ZDHHC14: variants seen among roughly 807,000 people sequenced by gnomAD.
The protein encoded by ZDHHC14 is palmitoyltransferase ZDHHC14.
A neutral mutation model predicts 47.7 loss-of-function variants in ZDHHC14; 16 were observed. The ratio of observed to expected loss-of-function variants is 0.34; its 90% CI spans 0.23 to 0.51. The LOEUF (loss-of-function observed/expected upper bound fraction) is 0.51. ZDHHC14 is among the 20% of genes least tolerant of loss of function. The probability of loss-of-function intolerance (pLI) is 0.97; values close to 1 mark genes in which losing one functional copy is unlikely to be tolerated. For synonymous variants in ZDHHC14, 293 were observed against 278.9 expected, an observed-to-expected ratio of 1.05 and a Z score of -0.50; for missense variants, 515 against 662.5, an observed-to-expected ratio of 0.78 and a Z score of 2.44.
intron 2 of ZDHHC14, among the ~76,000 whole-genome samples, chr6:157,544,777 C>A (rs1172279870): frequency 2.0e-5 from 3 of 152,168 alleles, no homozygotes; most frequent in Non-Finnish European, 4.4e-5. Flanking sequence ...GAAACTGGAA[C>A]CCTTGTACAT....
intron 2 of ZDHHC14, among the ~76,000 whole-genome samples, chr6:157,573,171 C>T (rs1339022518): frequency 1.3e-5 from 2 of 152,136 alleles, no homozygotes; most frequent in Admixed American, 6.5e-5. Context: ...TTCGGCCCCA[C>T]TCCCCTTTCA....
intron 8 of ZDHHC14, among the ~76,000 whole-genome samples, chr6:157,671,732 C>T (rs1371077738): frequency 1.3e-5 from 2 of 152,190 alleles, no homozygotes; most frequent in African/African-American, 2.4e-5. Context: ...TCTTCTCAAA[C>T]GTGGGCATTC....
At chr6:157,613,109 T>C (rs1203687141) in intron 3 of ZDHHC14, among the ~76,000 whole-genome samples, 1 of 152,202 alleles carries the variant, frequency 6.6e-6, no homozygotes. Flanking sequence ...ACTCATGGTG[T>C]CTTTAGGTCT....
chr6:157,436,192 G>A (rs1778436346), intron 1 of ZDHHC14, among the ~76,000 whole-genome samples: 2 of 152,112 alleles, frequency 1.3e-5, no homozygotes, highest in South Asian at 4.2e-4. Context: ...ATAACTTAAT[G>A]TTTCCGATCC....
At chr6:157,410,792 G>T (rs1354992333) in intron 1 of ZDHHC14, among the ~76,000 whole-genome samples, 3 of 152,168 alleles carry the variant, frequency 2.0e-5, no homozygotes, top group Non-Finnish European at 4.4e-5. Flanking sequence ...TGCCTCCTGG[G>T]TTCAAGCGAT....
intron 1 of ZDHHC14, among the ~76,000 whole-genome samples, chr6:157,420,493 G>C (rs182601482): frequency 7.7e-4 from 117 of 152,298 alleles, no homozygotes; most frequent in Admixed American, 1.7e-3. Context: ...TCACTGAAGG[G>C]GTGGGCTGAA....
intron 1 of ZDHHC14, among the ~76,000 whole-genome samples, chr6:157,531,453 A>G (rs1005462326): frequency 1.7e-4 from 25 of 150,790 alleles, no homozygotes; most frequent in Non-Finnish European, 3.0e-5. Flanking sequence ...TGCAGGTCTC[A>G]CTCCTGCCTC....
At chr6:157,532,180 T>G (rs1205973549) in intron 1 of ZDHHC14, among the ~76,000 whole-genome samples, 4 of 152,240 alleles carry the variant, frequency 2.6e-5, no homozygotes, top group African/African-American at 7.2e-5. Flanking sequence ...CCCAGGGCCT[T>G]GGGATGGGAG....
At chr6:157,588,328 G>A (rs938181361) in intron 2 of ZDHHC14, among the ~76,000 whole-genome samples, 1 of 151,978 alleles carries the variant, frequency 6.6e-6, no homozygotes, top group Non-Finnish European at 1.5e-5. Flanking sequence ...GCATGGTGGT[G>A]AATACCTATA....
chr6:157,579,118 C>A (rs1473633922), intron 2 of ZDHHC14, among the ~76,000 whole-genome samples: 1 of 144,470 alleles, frequency 6.9e-6, no homozygotes, highest in Non-Finnish European at 1.5e-5. Context: ...GTCATTGGTA[C>A]TTTGATAGAA....
Position 157,492,378 on chromosome 6 carries a change from T to C in ZDHHC14, c.246-50207T>C, listed in dbSNP as rs377124282. Reference sequence around the variant, plus strand: ...GCATTTCGCTGCCTGCCCGGCCTGCTCTCTGCCCTTCCCCTTCAGCCACCA... The same window carrying C: ...GCATTTCGCTGCCTGCCCGGCCTGCCCTCTGCCCTTCCCCTTCAGCCACCA... On this transcript the variant is annotated intron_variant, in intron 1 of 8. Coordinates refer to ENST00000359775, the MANE Select transcript of ZDHHC14 (RefSeq NM_024630.3). Among the ~76,000 whole-genome samples the C allele has an allele frequency of 2.9e-4, 44 of 152,202 alleles. No homozygotes were observed. In the East Asian group the frequency reaches 5.8e-3, roughly 20 times the overall value.
intron 1 of ZDHHC14, among the ~76,000 whole-genome samples, chr6:157,416,287 T>C (rs1428815582): frequency 1.3e-5 from 2 of 152,218 alleles, no homozygotes; most frequent in Non-Finnish European, 2.9e-5. Context: ...GTGATTTTTC[T>C]ATATATATTT....
chr6:157,533,262 T>A (rs146067589), intron 1 of ZDHHC14, among the ~76,000 whole-genome samples: 64 of 152,250 alleles, frequency 4.2e-4, no homozygotes, highest in African/African-American at 1.3e-3. Flanking sequence ...TGCATTGAGC[T>A]TTTTTCTAGT....
chr6:157,385,795 C>T (rs560331480), intron 1 of ZDHHC14, among the ~76,000 whole-genome samples: 2 of 152,326 alleles, frequency 1.3e-5, no homozygotes, highest in East Asian at 3.9e-4. Flanking sequence ...TGTGCTGCTC[C>T]TCGTTCAAGT....
At chr6:157,567,987 C>A (rs951281232) in intron 2 of ZDHHC14, among the ~76,000 whole-genome samples, 5 of 152,094 alleles carry the variant, frequency 3.3e-5, no homozygotes, top group African/African-American at 1.2e-4. Context: ...GAAATACCTC[C>A]TTGTCATAGA....
At chr6:157,660,888 A>C (rs1778317540) in intron 8 of ZDHHC14, among the ~76,000 whole-genome samples, 2 of 152,250 alleles carry the variant, frequency 1.3e-5, no homozygotes, top group Admixed American at 1.3e-4. Context: ...TCATTCAAGT[A>C]ATACATGGTC....
intron 3 of ZDHHC14, among the ~76,000 whole-genome samples, chr6:157,597,083 G>A (rs769157228): frequency 4.6e-5 from 7 of 152,062 alleles, no homozygotes; most frequent in South Asian, 2.1e-4. Flanking sequence ...TCTTGCCATC[G>A]CGTTCCTTCT....
chr6:157,469,877 C>T (rs943443368), intron 1 of ZDHHC14, among the ~76,000 whole-genome samples: 1 of 152,200 alleles, frequency 6.6e-6, no homozygotes, highest in African/African-American at 2.4e-5. Context: ...CTTGAAGTGT[C>T]CCTCCCTGCC....
intron 1 of ZDHHC14, among the ~76,000 whole-genome samples, chr6:157,480,168 A>T (rs962661643): frequency 1.3e-5 from 2 of 151,642 alleles, no homozygotes; most frequent in African/African-American, 2.4e-5. Flanking sequence ...GGAGTGTTTC[A>T]TCACTGACAT....
Sources: allele counts gnomAD v4.1 joint callset (sites outside exome capture counted in the v4.1 genomes callset), GRCh38; gene constraint gnomAD v4.1.1; transcripts MANE v1.5; gene names NCBI Gene and HGNC (gene_info 2026-07-23, HGNC 2026-07-21).